Variants in AKR1C3 observed in about 807,000 individuals in gnomAD.
AKR1C3 encodes the protein 3-alpha hydroxysteroid dehydrogenase, type II.
In AKR1C3, 48 loss-of-function variants were observed where a neutral mutation model predicts 43.6. That is an observed-to-expected ratio of 1.10 (90% CI 0.87 to 1.40). The LOEUF is 1.40. AKR1C3 is among the 40% of genes most tolerant of loss of function. The pLI is 0.00. For synonymous variants in AKR1C3, 162 were observed against 139.6 expected, an observed-to-expected ratio of 1.16 and a Z score of -1.13; for missense variants, 482 against 391.2, an observed-to-expected ratio of 1.23 and a Z score of -1.96.
At chr10:5,099,470 C>T (rs374762442) in intron 5 of AKR1C3, 21 bp downstream of exon 5, 2 of 1,614,130 alleles carry the variant, frequency 1.2e-6, no homozygotes, top group Admixed American at 1.7e-5. Flanking sequence ...TTGGCCTTCT[C>T]TCCTTTCGGT....
chr10:5,066,115 T>C (rs1425587021), intron 1 of AKR1C3, among the ~76,000 whole-genome samples: 1 of 152,198 alleles, frequency 6.6e-6, no homozygotes, highest in Non-Finnish European at 1.5e-5. Context: ...TATTGGGAAC[T>C]TCAGGGGTGG....
At chr10:5,098,724 C>T (rs1839274374) in intron 3 of AKR1C3, 78 bp from the exon 4 acceptor site, 1 of 1,175,114 alleles carries the variant, frequency 8.5e-7, no homozygotes, top group South Asian at 1.3e-5. Context: ...GATTAGTGTC[C>T]TTAAAGGTAC....
At chr10:5,072,097 G>A (rs1208594978) in intron 1 of AKR1C3, among the ~76,000 whole-genome samples, 1 of 152,154 alleles carries the variant, frequency 6.6e-6, no homozygotes, top group East Asian at 1.9e-4. Flanking sequence ...CTACAGACAG[G>A]TGGGAATGAA....
At chr10:5,090,330 G>T (rs193233063), upstream of AKR1C3, among the ~76,000 whole-genome samples, 2 of 152,208 alleles carry the variant, frequency 1.3e-5, no homozygotes, top group Non-Finnish European at 2.9e-5. Flanking sequence ...CTCTGTGGGG[G>T]TTAGGAAACT....
intron 3 of AKR1C3, chr10:5,098,257 C>T: frequency 4.3e-6 from 4 of 920,642 alleles, no homozygotes; most frequent in Non-Finnish European, 5.2e-6. Flanking sequence ...AACTCCAACA[C>T]TTTTTTTTAT....
chr10:5,103,814 T>C (rs587760640), intron 7 of AKR1C3, among the ~76,000 whole-genome samples: 2 of 152,230 alleles, frequency 1.3e-5, no homozygotes, highest in Admixed American at 6.5e-5. Flanking sequence ...CCACCACTTA[T>C]TGGAAAGAGC....
At chr10:5,101,950 T>C in intron 5 of AKR1C3, 151 bp from the exon 6 acceptor site, 1 of 562,510 alleles carries the variant, frequency 1.8e-6, no homozygotes, top group Non-Finnish European at 3.1e-6. Flanking sequence ...TAAAATTTAT[T>C]TCTATGAAAA....
intron 1 of AKR1C3, among the ~76,000 whole-genome samples, chr10:5,075,422 GC>G (rs1288928415): frequency 2.0e-5 from 3 of 152,016 alleles, no homozygotes; most frequent in Non-Finnish European, 4.4e-5. Flanking sequence ...TAACGCCATG[GC>G]CCCCCTTGAG....
In AKR1C3 at chr10:5,107,612, T is replaced by A; in HGVS notation, c.*109T>A. 1.2e-6 allele frequency: 1 copy of A among 824,428 alleles called. No individual in the cohort carries two copies. Among genetic ancestry groups the A allele is most frequent in the South Asian group, 1.7e-5 (1 of 59,772 alleles). The allele number at this position is 824,428 out of a possible 1,614,324, so 51.1% of individuals were successfully genotyped here. A position where few individuals can be genotyped will look rare whatever the true frequency, so the allele number is the denominator to read the frequency against. On this transcript the variant is annotated 3_prime_UTR_variant, in exon 9 of 9. Coordinates refer to ENST00000380554, the MANE Select transcript of AKR1C3 (RefSeq NM_003739.6). ...ATATCACCTCTACTTAAATCCGTCC[T>A]GTTTAGCGACTTCAGTCAACTACAG...
At chr10:5,076,593 C>T (rs1838718668) in intron 1 of AKR1C3, among the ~76,000 whole-genome samples, 2 of 152,162 alleles carry the variant, frequency 1.3e-5, no homozygotes, top group Admixed American at 6.6e-5. Flanking sequence ...TTGCTTGTTA[C>T]TGATGGTGAA....
intron 8 of AKR1C3, among the ~76,000 whole-genome samples, 187 bp from the exon 9 acceptor site, chr10:5,107,274 G>T (rs1839530287): frequency 6.6e-6 from 1 of 152,142 alleles, no homozygotes; most frequent in African/African-American, 2.4e-5. Flanking sequence ...AAGGGAATAT[G>T]ATTGAATAAT....
At chr10:5,058,001 A>T (rs1324074422) in intron 1 of AKR1C3, among the ~76,000 whole-genome samples, 1 of 152,120 alleles carries the variant, frequency 6.6e-6, no homozygotes, top group Non-Finnish European at 1.5e-5. Context: ...TAAATCAGAG[A>T]GGGAGAAGGG....
chr10:5,072,091 A>T (rs977001863), intron 1 of AKR1C3, among the ~76,000 whole-genome samples: 38 of 152,308 alleles, frequency 2.5e-4, no homozygotes, highest in African/African-American at 8.9e-4. Context: ...TAATAGCTAC[A>T]GACAGGTGGG....
chr10:5,083,734 C>T (rs1554782658), intron 1 of AKR1C3, among the ~76,000 whole-genome samples: 2 of 152,204 alleles, frequency 1.3e-5, no homozygotes. Flanking sequence ...TCCTCTCCAG[C>T]ACCTGTTGTT....
chr10:5,079,025 G>C (rs1554782114), intron 1 of AKR1C3, among the ~76,000 whole-genome samples: 1 of 152,226 alleles, frequency 6.6e-6, no homozygotes, highest in Non-Finnish European at 1.5e-5. Flanking sequence ...ACCATGACTA[G>C]AGGACTTGGA....
At chr10:5,061,113 GCTC>G (rs1564354876) in intron 1 of AKR1C3, among the ~76,000 whole-genome samples, 1 of 152,236 alleles carries the variant, frequency 6.6e-6, no homozygotes, top group Admixed American at 6.5e-5. Flanking sequence ...GGGCTGAAGG[GCTC>G]CTCAAGTGCA....
chr10:5,103,512 A>T (rs1339551669), intron 7 of AKR1C3, among the ~76,000 whole-genome samples: 2 of 152,212 alleles, frequency 1.3e-5, no homozygotes, highest in Non-Finnish European at 2.9e-5. Context: ...GCCTGAACTT[A>T]GTCAAGTTCT....
intron 1 of AKR1C3, among the ~76,000 whole-genome samples, chr10:5,072,667 T>C (rs1240013430): frequency 2.6e-5 from 4 of 152,098 alleles, no homozygotes; most frequent in Non-Finnish European, 5.9e-5. Flanking sequence ...CATAAAGAAA[T>C]GTTATTTTTC....
chr10:5,106,954 C>T lies in AKR1C3; in HGVS notation c.930-507C>T, dbSNP rs112666430. On this transcript the variant is annotated intron_variant, in intron 8 of 8. Transcript: ENST00000380554. The stretch of plus-strand genomic sequence containing the variant: ...ACCATGTAAAAGAAAGGAAGAGTAG[C>T]GAGCATGAGTAATTCTTATCATCCA... 6.7e-3 allele frequency among the ~76,000 whole-genome samples: 965 copies of T among 143,052 alleles called. 7 individuals are homozygous for T. The highest frequency in any genetic ancestry group is 0.022 in the African/African-American group (857 of 39,690). The allele number at this position is 143,052 out of a possible 152,430, so 93.8% of individuals were successfully genotyped here.
Sources: allele counts gnomAD v4.1 joint callset (sites outside exome capture counted in the v4.1 genomes callset), GRCh38; gene constraint gnomAD v4.1.1; transcripts MANE v1.5; gene names NCBI Gene and HGNC (gene_info 2026-07-23, HGNC 2026-07-21).